Variants in CSDE1 observed in about 807,000 individuals in gnomAD.
CSDE1 encodes the protein cold shock domain-containing protein E1.
A neutral mutation model predicts 89.3 loss-of-function variants in CSDE1; 17 were observed. The ratio of observed to expected loss-of-function variants is 0.19; its 90% CI spans 0.13 to 0.29. The LOEUF is 0.29. Among genes scored for constraint, CSDE1 ranks in the 10% least tolerant of loss-of-function variants. CSDE1 has a pLI of 1.00. For synonymous variants in CSDE1, 322 were observed against 332.8 expected (o/e 0.97, Z 0.35); for missense variants, 672 against 984.2 (o/e 0.68, Z 4.24).
intron 9 of CSDE1, 141 bp from the exon 10 acceptor site, chr1:114,732,957 CA>C (rs766620556): frequency 1.5e-6 from 1 of 678,954 alleles, no homozygotes; most frequent in Non-Finnish European, 2.5e-6. Context: ...AACATAAGTC[CA>C]ATGTGAAAGC....
intron 2 of CSDE1, among the ~76,000 whole-genome samples, chr1:114,747,321 GCCC>G (rs1257702137): frequency 2.0e-5 from 3 of 152,098 alleles, no homozygotes; most frequent in Non-Finnish European, 4.4e-5. Flanking sequence ...TTAGCTGTGT[GCCC>G]CCTTTAACTG....
chr1:114,735,582 A>G (rs1037398462), intron 6 of CSDE1, among the ~76,000 whole-genome samples: 5 of 152,208 alleles, frequency 3.3e-5, no homozygotes, highest in Non-Finnish European at 7.3e-5. Context: ...ACTGTAACTA[A>G]TAATAACCAC....
At chr1:114,724,126 G>T in intron 15 of CSDE1, 124 bp from the exon 16 acceptor site, 1 of 1,038,422 alleles carries the variant, frequency 9.6e-7, no homozygotes. Flanking sequence ...TATTGAAATG[G>T]GGTAGGGAAC....
At chr1:114,748,730 C>T (rs921236895) in intron 2 of CSDE1, among the ~76,000 whole-genome samples, 12 of 152,312 alleles carry the variant, frequency 7.9e-5, no homozygotes, top group African/African-American at 2.6e-4. Context: ...TTTTCTCTAC[C>T]TACACCTTAG....
chr1:114,719,584 T>C lies in CSDE1; in HGVS notation c.2211A>G (p.Arg737=), dbSNP rs1247176941. ...TGKCSACNVW[R]VCEGPKAVAA... ...ACCACAACAACAAAACTCACCAGACTCGCCAAACATTACAGGCGCTGCACT... is the reference window on the plus strand; with the variant it reads ...ACCACAACAACAAAACTCACCAGACCCGCCAAACATTACAGGCGCTGCACT... Residue 737 remains arginine, a synonymous_variant, in exon 18 of 20, where the codon CGA becomes CGG. Coordinates refer to ENST00000358528, the MANE Select transcript of CSDE1 (RefSeq NM_001007553.3). 2.5e-6 allele frequency: 4 copies of C among 1,612,022 alleles called. No individual in the cohort carries two copies. The highest frequency in any genetic ancestry group is 3.4e-6 in the Non-Finnish European group (4 of 1,179,412).
chr1:114,721,036 A>C (rs994653569), intron 16 of CSDE1, among the ~76,000 whole-genome samples: 1 of 152,236 alleles, frequency 6.6e-6, no homozygotes, highest in African/African-American at 2.4e-5. Flanking sequence ...ATGGGTTGCC[A>C]ATATTCACAG....
chr1:114,719,699 AAG>A lies in CSDE1; in HGVS notation c.2094_2095del (p.Phe700ProfsTer10). 1 of 1,614,154 alleles carries A rather than the reference AAG, an allele frequency of 6.2e-7. No homozygotes were observed. Among genetic ancestry groups the A allele is most frequent in the Non-Finnish European group, 8.5e-7 (1 of 1,180,016 alleles). On this transcript the variant is annotated frameshift_variant, in exon 18 of 20. Transcript: ENST00000358528. LOFTEE classifies it high-confidence loss of function. ...ATCCTGAACTTCTTTCACATGGAAA[AAG>A]AGCTTCTTGCTATCTCCTACTTCAT...
rs757337528 is a variant in CSDE1 at position 114,719,686 on chromosome 1, T to C, written c.2109A>G (p.Lys703=). Residue 703 remains lysine, a synonymous_variant, in exon 18 of 20, where the codon AAA becomes AAG. Transcript: ENST00000358528. ...GDSKKLFFHV[K]EVQDGIELQA... ...GTAGCTCAATGCCATCCTGAACTTC[T>C]TTCACATGGAAAAAGAGCTTCTTGC... is the stretch of plus-strand genomic sequence containing the variant. The C allele has an allele frequency of 1.1e-5, 18 of 1,613,914 alleles. No homozygotes were observed. The East Asian group carries it at 3.3e-4, about 30-fold the overall frequency.
Position 114,739,872 on chromosome 1 carries a change from G to C in CSDE1, c.19C>G (p.Leu7Val), listed in dbSNP as rs769674397. 7 of 1,613,770 alleles carry C rather than the reference G, an allele frequency of 4.3e-6. No homozygotes were observed. Among genetic ancestry groups the C allele is most frequent in the Non-Finnish European group, 8.5e-7 (1 of 1,179,760 alleles). MSFDPNLLHNNGHNGYP... is the reference protein window; with the variant it reads MSFDPNVLHNNGHNGYP... ...CCATTATGTCCATTGTTGTGGAGAA[G>C]GTTTGGATCAAAGCTCATCTGTTTT... is the stretch of plus-strand genomic sequence containing the variant. Residue 7 changes from leucine (L) to valine (V), a missense_variant, in exon 3 of 20, where the codon CTT becomes GTT. This residue lies in a region of CSDE1 where 26 missense variants were observed against 24.3 expected (regional missense o/e 1.07). Transcript: ENST00000358528.
At chr1:114,757,460 T>C (rs1452364777) in intron 1 of CSDE1, among the ~76,000 whole-genome samples, 1 of 151,786 alleles carries the variant, frequency 6.6e-6, no homozygotes, top group East Asian at 1.9e-4. Flanking sequence ...GGTCTCAGGC[T>C]CTTCCAACCT....
At chr1:114,736,005 T>C (rs1660381573) in intron 6 of CSDE1, among the ~76,000 whole-genome samples, 2 of 152,180 alleles carry the variant, frequency 1.3e-5, no homozygotes, top group Admixed American at 6.5e-5. Flanking sequence ...TATGATTCTT[T>C]TCCCACCTTG....
chr1:114,733,916 T>C, intron 8 of CSDE1, 59 bp from the exon 9 acceptor site: 1 of 1,607,596 alleles, frequency 6.2e-7, no homozygotes, highest in Admixed American at 1.7e-5. Flanking sequence ...TCACATAATT[T>C]TAAGTGTTTC....
Position 114,717,892 on chromosome 1 carries a change from T to A in CSDE1, c.*277A>T. On this transcript the variant is annotated 3_prime_UTR_variant, in exon 20 of 20. Coordinates refer to ENST00000358528, the MANE Select transcript of CSDE1 (RefSeq NM_001007553.3). ...GCAAAGTGGATTCTGCAATTACCAGTTGCGTTAAATGCACCAAATAAAGCT... is the reference window on the plus strand; with the variant it reads ...GCAAAGTGGATTCTGCAATTACCAGATGCGTTAAATGCACCAAATAAAGCT... 1 of 418,184 alleles carries A rather than the reference T, an allele frequency of 2.4e-6. No individual in the cohort carries two copies. The highest frequency in any genetic ancestry group is 4.2e-6 in the Non-Finnish European group (1 of 235,456). 25.9% of individuals were successfully genotyped at this position (418,184 alleles called of 1,614,324 possible). A position where few individuals can be genotyped will look rare whatever the true frequency, so the allele number is the denominator to read the frequency against.
intron 18 of CSDE1, chr1:114,719,033 C>T (rs1157993403): frequency 1.5e-5 from 5 of 340,088 alleles, no homozygotes; most frequent in Non-Finnish European, 2.2e-5. Context: ...AACAAGGTAG[C>T]AGATGTGGTA....
intron 6 of CSDE1, among the ~76,000 whole-genome samples, chr1:114,735,761 C>T (rs926708903): frequency 1.3e-5 from 2 of 151,164 alleles, no homozygotes; most frequent in African/African-American, 4.8e-5. Flanking sequence ...TCTTGCATCT[C>T]TCATCTCTCC....
At chr1:114,750,961 G>C (rs1295979462) in intron 1 of CSDE1, among the ~76,000 whole-genome samples, 1 of 152,244 alleles carries the variant, frequency 6.6e-6, no homozygotes, top group East Asian at 1.9e-4. Context: ...TGTTGTTTCA[G>C]AGGAAAATCA....
chr1:114,722,588 T>C (rs138493282), intron 16 of CSDE1, among the ~76,000 whole-genome samples: 4 of 152,336 alleles, frequency 2.6e-5, no homozygotes, highest in Non-Finnish European at 4.4e-5. Context: ...CTTTGGACTA[T>C]ATCCCACCAG....
intron 2 of CSDE1, among the ~76,000 whole-genome samples, chr1:114,740,412 C>A (rs1433203403): frequency 1.3e-5 from 2 of 152,120 alleles, no homozygotes; most frequent in Non-Finnish European, 2.9e-5. Flanking sequence ...AATACTTAAA[C>A]TAGAAAATTT....
At chr1:114,742,940 T>C (rs544121425) in intron 2 of CSDE1, among the ~76,000 whole-genome samples, 31 of 152,368 alleles carry the variant, frequency 2.0e-4, no homozygotes, top group Admixed American at 7.2e-4. Context: ...CTTTTTATAA[T>C]ATCCCTCACT....
Sources: allele counts gnomAD v4.1 joint callset (sites outside exome capture counted in the v4.1 genomes callset), GRCh38; gene constraint gnomAD v4.1.1; regional missense constraint gnomAD v4.1.1; transcripts MANE v1.5; gene names NCBI Gene and HGNC (gene_info 2026-07-23, HGNC 2026-07-21).